The following MPRIP variants were observed in gnomAD, a reference collection of about 807,000 sequenced individuals.
The protein encoded by MPRIP is myosin phosphatase Rho interacting protein, also known as myosin phosphatase Rho-interacting protein.
In MPRIP, 59 loss-of-function variants were observed where a neutral mutation model predicts 234.9. The observed-to-expected ratio is 0.25, with a 90% CI of 0.20 to 0.31. The LOEUF (loss-of-function observed/expected upper bound fraction) is 0.31, where lower values mean the gene tolerates loss of function less well. Among genes scored for constraint, MPRIP ranks in the 10% least tolerant of loss-of-function variants. MPRIP has a pLI of 1.00. For synonymous variants in MPRIP, 1,144 were observed against 1,263.9 expected, an observed-to-expected ratio of 0.91 and a Z score of 2.01; for missense variants, 2,436 against 3,071.0, an observed-to-expected ratio of 0.79 and a Z score of 4.89.
At chr17:17,096,689 A>G (rs1348527195) in intron 3 of MPRIP, 3 of 465,764 alleles carry the variant, frequency 6.4e-6, no homozygotes, top group Non-Finnish European at 1.3e-5. Context: ...GAGCAATACC[A>G]TCAGGCAGAT....
intron 14 of MPRIP, 33 bp downstream of exon 14, chr17:17,159,035 C>T: frequency 5.1e-6 from 8 of 1,574,820 alleles, no homozygotes; most frequent in Non-Finnish European, 6.0e-6. Context: ...CCACCCTGCT[C>T]CCAGCAGCCT....
chr17:17,175,498 T>C (rs1034797910), intron 20 of MPRIP, 86 bp downstream of exon 20: 7 of 1,429,022 alleles, frequency 4.9e-6, no homozygotes, highest in African/African-American at 1.4e-5. Flanking sequence ...TCTTACAGGG[T>C]TGTGGGAGGA....
intron 2 of MPRIP, chr17:17,076,002 T>C: frequency 1.9e-6 from 1 of 515,720 alleles, no homozygotes; most frequent in Non-Finnish European, 3.4e-6. Context: ...AATGAGGAGC[T>C]CTCATGTGGG....
intron 3 of MPRIP, among the ~76,000 whole-genome samples, chr17:17,115,744 A>G (rs555417197): frequency 5.8e-4 from 88 of 152,202 alleles, no homozygotes; most frequent in African/African-American, 2.1e-3. Flanking sequence ...ATGTAAATGG[A>G]GTCATGCAGC....
chr17:17,123,580 T>C (rs2090433381), intron 3 of MPRIP, among the ~76,000 whole-genome samples: 1 of 151,832 alleles, frequency 6.6e-6, no homozygotes, highest in Non-Finnish European at 1.5e-5. Flanking sequence ...AGCATGCATC[T>C]GTAGTCCCAG....
At chr17:17,044,737 T>C (rs1393047071) in intron 1 of MPRIP, among the ~76,000 whole-genome samples, 1 of 152,188 alleles carries the variant, frequency 6.6e-6, no homozygotes, top group Non-Finnish European at 1.5e-5. Flanking sequence ...TCCAATCTGC[T>C]AAGATTTTTT....
Position 17,076,637 on chromosome 17 carries a change from C to T in MPRIP, c.201+850C>T, listed in dbSNP as rs143580608. ...CTGGGAAACATGTTCAGGTGGCCTC[C>T]TCTACACACCCAGCATAGACCAGCC... On this transcript the variant is annotated intron_variant, in intron 2 of 23. Transcript: ENST00000651222. 4.1e-3 allele frequency among the ~76,000 whole-genome samples: 620 copies of T among 152,180 alleles called. 8 individuals are homozygous for T. Among genetic ancestry groups the T allele is most frequent in the African/African-American group, 0.014 (586 of 41,504 alleles).
intron 12 of MPRIP, 29 bp downstream of exon 12, chr17:17,150,262 A>T (rs1281533181): frequency 6.5e-7 from 1 of 1,532,160 alleles, no homozygotes; most frequent in East Asian, 2.2e-5. Context: ...GTGGGGCCAC[A>T]GGCTTGACAG....
chr17:17,159,778 A>C (rs551456920), intron 14 of MPRIP, among the ~76,000 whole-genome samples: 2 of 152,212 alleles, frequency 1.3e-5, no homozygotes, highest in Non-Finnish European at 2.9e-5. Flanking sequence ...ATTTAGGGAC[A>C]GTTTTCAACA....
rs2046543197 is a variant in MPRIP at position 17,189,453 on chromosome 17, T to G, written c.*4559T>G. 3 of 151,506 alleles carry G rather than the reference T, an allele frequency of 2.0e-5. No individual in the cohort carries two copies. In the South Asian group the frequency reaches 6.3e-4, roughly 32 times the overall value. 9.4% of individuals were successfully genotyped at this position (151,506 alleles called of 1,614,324 possible). A position where few individuals can be genotyped will look rare whatever the true frequency, so the allele number is the denominator to read the frequency against. On this transcript the variant is annotated 3_prime_UTR_variant, in exon 24 of 24. Transcript: ENST00000651222. The stretch of plus-strand genomic sequence containing the variant: ...ATCCGCCTGTCTCGGCCTCCCAAAG[T>G]GCTGGGATTACAGGCGTGAGCCACC...
intron 1 of MPRIP, among the ~76,000 whole-genome samples, chr17:17,061,540 T>G (rs1400768026): frequency 6.6e-6 from 1 of 152,264 alleles, no homozygotes; most frequent in Non-Finnish European, 1.5e-5. Context: ...AGGGGCCATC[T>G]GTCCCATCCA....
intron 21 of MPRIP, 110 bp from the exon 22 acceptor site, chr17:17,177,140 C>T (rs754303251): frequency 7.1e-6 from 8 of 1,121,152 alleles, no homozygotes; most frequent in Admixed American, 2.0e-5. Flanking sequence ...CCTCCTCTTC[C>T]GCCCACAGCA....
In MPRIP at chr17:17,186,432, AT is replaced by A. The variant is rs1257422808; in HGVS notation, c.*1539del. Reference sequence around the variant, plus strand: ...GTTTAGGTGCTCTCTTCTCACTGAAATAACTAAGTGCTCTCCACTGGCATCG... The same window carrying A: ...GTTTAGGTGCTCTCTTCTCACTGAAAAACTAAGTGCTCTCCACTGGCATCG... On this transcript the variant is annotated 3_prime_UTR_variant, in exon 24 of 24. Transcript: ENST00000651222. 1 of 152,212 alleles carries A rather than the reference AT, an allele frequency of 6.6e-6. No individual in the cohort carries two copies. The highest frequency in any genetic ancestry group is 2.4e-5 in the African/African-American group (1 of 41,448). The allele number at this position is 152,212 out of a possible 1,614,324, so 9.4% of individuals were successfully genotyped here. A position where few individuals can be genotyped will look rare whatever the true frequency, so the allele number is the denominator to read the frequency against.
Position 17,189,965 on chromosome 17 carries a change from T to C in MPRIP, c.*5071T>C, listed in dbSNP as rs1290357911. 1.3e-5 allele frequency: 2 copies of C among 152,254 alleles called. No homozygotes were observed. Among genetic ancestry groups the C allele is most frequent in the Non-Finnish European group, 2.9e-5 (2 of 68,044 alleles). 9.4% of individuals were successfully genotyped at this position (152,254 alleles called of 1,614,324 possible). On this transcript the variant is annotated 3_prime_UTR_variant, in exon 24 of 24. Coordinates refer to ENST00000651222, the MANE Select transcript of MPRIP (RefSeq NM_001364716.4). ...GGGAACTTGCTTATTAAAAAGTTCC[T>C]TAGAATTAAGGTATCTACCCACTGT...
At chr17:17,175,254 G>A in intron 19 of MPRIP, 39 bp from the exon 20 acceptor site, 1 of 1,612,090 alleles carries the variant, frequency 6.2e-7, no homozygotes, top group East Asian at 2.2e-5. Flanking sequence ...TTGGCCCCAG[G>A]CAGCTCTGGA....
chr17:17,099,625 G>T (rs1406805972), intron 3 of MPRIP, among the ~76,000 whole-genome samples: 2 of 152,168 alleles, frequency 1.3e-5, no homozygotes, highest in African/African-American at 4.8e-5. Flanking sequence ...TACTTGGGAG[G>T]CTGAGGCCAG....
Position 17,165,004 on chromosome 17 carries a change from G to T in MPRIP, c.3413G>T (p.Arg1138Ile), listed in dbSNP as rs1264872211. The T allele has an allele frequency of 1.5e-6, 2 of 1,301,820 alleles. No homozygotes were observed. The highest frequency in any genetic ancestry group is 2.0e-6 in the Non-Finnish European group (2 of 988,848). The allele number at this position is 1,301,820 out of a possible 1,614,324, so 80.6% of individuals were successfully genotyped here. ...VAELREKLRR[R>I]EADNQSLEHS... ...GAGCTCCGGGAAAAGCTGAGGAGAA[G>T]AGAGGCTGACAACCAGAGCCTGGAG... The change falls in exon 16 of 24, where the codon AGA becomes ATA. Residue 1138 changes from arginine to isoleucine, a missense_variant. Transcript: ENST00000651222.
chr17:17,076,356 C>G (rs2089327962), intron 2 of MPRIP: 1 of 152,442 alleles, frequency 6.6e-6, no homozygotes, highest in Non-Finnish European at 1.5e-5. Context: ...TCCTCACAAA[C>G]TTTCTTACAG....
chr17:17,080,833 TG>T (rs1181629732), intron 3 of MPRIP, among the ~76,000 whole-genome samples: 5 of 152,226 alleles, frequency 3.3e-5, no homozygotes, highest in Admixed American at 2.0e-4. Context: ...TCAGATTTCC[TG>T]GAGTGAGGGG....
Sources: gnomAD v4.1 joint callset for allele counts (sites outside exome capture counted in the v4.1 genomes callset) on GRCh38, gnomAD v4.1.1 for gene constraint, MANE v1.5 for transcripts, NCBI Gene and HGNC (gene_info 2026-07-23, HGNC 2026-07-21) for gene names.